The following ROCK2 variants were observed in gnomAD, a reference collection of about 807,000 sequenced individuals.
ROCK2 encodes the protein Rho associated coiled-coil containing protein kinase 2, also known as rho-associated protein kinase 2.
In ROCK2, 61 loss-of-function variants were observed where a neutral mutation model predicts 195.1. The ratio of observed to expected loss-of-function variants is 0.31; its 90% CI spans 0.25 to 0.39. The LOEUF (loss-of-function observed/expected upper bound fraction) is 0.39. ROCK2 is among the 10% of genes least tolerant of loss of function. The pLI is 1.00. For synonymous variants in ROCK2, 504 were observed against 545.5 expected (o/e 0.92, Z 1.06); for missense variants, 1,109 against 1,637.4 (o/e 0.68, Z 5.57).
chr2:11,224,507 G>A, intron 6 of ROCK2, 47 bp from the exon 7 acceptor site: 2 of 1,560,568 alleles, frequency 1.3e-6, no homozygotes, highest in East Asian at 2.3e-5. Context: ...AGAATGCAAA[G>A]GAAACACTTT....
chr2:11,198,805 A>T, intron 23 of ROCK2, 31 bp from the exon 24 acceptor site: 1 of 1,222,276 alleles, frequency 8.2e-7, no homozygotes, highest in Non-Finnish European at 1.2e-6. Context: ...AAATAATCAC[A>T]TCCCAATTTA....
rs1252846508 is a variant in ROCK2, at chr2:11,235,388, T to C, written c.723+314A>G. On this transcript the variant is annotated intron_variant, in intron 5 of 32. Transcript: ENST00000315872. The surrounding 1 kb of genome is among the most constrained non-coding windows in gnomAD (Gnocchi z 4.2). Reference sequence around the variant, plus strand: ...TATTTACCTTAATTTAGATTTTGTGTCCTTCTTCACCTAAATTATACATAT... The same window carrying C: ...TATTTACCTTAATTTAGATTTTGTGCCCTTCTTCACCTAAATTATACATAT... Among the ~76,000 whole-genome samples the C allele has an allele frequency of 1.3e-5, 2 of 152,180 alleles. No individual in the cohort carries two copies. Among genetic ancestry groups the C allele is most frequent in the Non-Finnish European group, 2.9e-5 (2 of 68,004 alleles).
intron 5 of ROCK2, among the ~76,000 whole-genome samples, chr2:11,230,762 A>G (rs1664979399): frequency 6.6e-6 from 1 of 152,208 alleles, no homozygotes; most frequent in Non-Finnish European, 1.5e-5. Flanking sequence ...AAAAAATATC[A>G]TAAATCGAGA....
chr2:11,330,264 A>G (rs1270341335), intron 1 of ROCK2, among the ~76,000 whole-genome samples: 1 of 152,214 alleles, frequency 6.6e-6, no homozygotes, highest in African/African-American at 2.4e-5. Flanking sequence ...ATAAAATGTC[A>G]TAAATCTTTA....
rs185676086 is a variant in ROCK2 at position 11,305,269 on chromosome 2, G to A, written c.142-17533C>T. Reference sequence around the variant, plus strand: ...CGCACGCCTGTAGTCCCAACTACTCGGGAGGCTGAGACAAGAGAATTGCTT... The same window carrying A: ...CGCACGCCTGTAGTCCCAACTACTCAGGAGGCTGAGACAAGAGAATTGCTT... On this transcript the variant is annotated intron_variant, in intron 1 of 32. Coordinates refer to ENST00000315872, the MANE Select transcript of ROCK2 (RefSeq NM_004850.5). Among the ~76,000 whole-genome samples the A allele has an allele frequency of 7.2e-5, 11 of 152,256 alleles. No homozygotes were observed. In the East Asian group the frequency reaches 1.7e-3, roughly 24 times the overall value.
Position 11,231,205 on chromosome 2 carries a change from A to AT in ROCK2, c.724-3808dup, listed in dbSNP as rs973440266. ...GGTAATTTTTTTTTTTCTTCAGGTA[A>AT]TTTTTTTTTTCTTTTTGAGACAGAG... On this transcript the variant is annotated intron_variant, in intron 5 of 32. Coordinates refer to ENST00000315872, the MANE Select transcript of ROCK2 (RefSeq NM_004850.5). Among the ~76,000 whole-genome samples, 22 of 149,058 alleles carry AT rather than the reference A, an allele frequency of 1.5e-4. No individual in the cohort carries two copies. In the East Asian group the frequency reaches 3.3e-3, roughly 23 times the overall value.
intron 1 of ROCK2, among the ~76,000 whole-genome samples, chr2:11,335,230 G>A (rs575249863): frequency 2.0e-4 from 30 of 151,950 alleles, no homozygotes; most frequent in Admixed American, 5.9e-4. Flanking sequence ...AAAGATATGT[G>A]AGGGTCATTT....
intron 5 of ROCK2, 137 bp from the exon 6 acceptor site, chr2:11,227,535 T>C: frequency 5.8e-6 from 4 of 688,732 alleles, no homozygotes; most frequent in Non-Finnish European, 9.3e-6. Context: ...TGACATGACT[T>C]CAGGATACAG....
chr2:11,183,292 G>C lies in ROCK2; in HGVS notation c.*145C>G. 1.8e-6 allele frequency: 1 copy of C among 558,210 alleles called. No individual in the cohort carries two copies. Among genetic ancestry groups the C allele is most frequent in the Non-Finnish European group, 3.1e-6 (1 of 319,138 alleles). 34.6% of individuals were successfully genotyped at this position (558,210 alleles called of 1,614,324 possible). The stretch of plus-strand genomic sequence containing the variant: ...TTTGTAATTTATATTACAGGGAAAA[G>C]GGGAACACATATATGTATGAGTGTA... On this transcript the variant is annotated 3_prime_UTR_variant, in exon 33 of 33. Coordinates refer to ENST00000315872, the MANE Select transcript of ROCK2 (RefSeq NM_004850.5).
At chr2:11,336,580 TA>T (rs1349166086) in intron 1 of ROCK2, among the ~76,000 whole-genome samples, 1 of 152,140 alleles carries the variant, frequency 6.6e-6, no homozygotes, top group African/African-American at 2.4e-5. Context: ...GAGCATGGGT[TA>T]AACAATAGAA....
chr2:11,235,590 A>C lies in ROCK2; in HGVS notation c.723+112T>G. 4.5e-6 allele frequency: 5 copies of C among 1,113,956 alleles called. No homozygotes were observed. Among genetic ancestry groups the C allele is most frequent in the Non-Finnish European group, 6.4e-6 (5 of 776,602 alleles). The allele number at this position is 1,113,956 out of a possible 1,614,324, so 69.0% of individuals were successfully genotyped here. A position where few individuals can be genotyped will look rare whatever the true frequency, so the allele number is the denominator to read the frequency against. ...GTTATATCTTGTTTGGGTGCTATAC[A>C]GTTATGAAAACTAAATTTACCTTTG... is the stretch of plus-strand genomic sequence containing the variant. On this transcript the variant is annotated intron_variant, in intron 5 of 32. Coordinates refer to ENST00000315872, the MANE Select transcript of ROCK2 (RefSeq NM_004850.5). This position sits in a 1 kb window ranked among gnomAD's most constrained non-coding sequence, Gnocchi z 4.2.
intron 4 of ROCK2, among the ~76,000 whole-genome samples, chr2:11,247,763 T>C (rs1240960541): frequency 6.6e-6 from 1 of 152,206 alleles, no homozygotes; most frequent in East Asian, 1.9e-4. Flanking sequence ...CTCATGCCTG[T>C]AATCCCAGCA....
chr2:11,249,603 T>A, intron 4 of ROCK2, 58 bp downstream of exon 4: 1 of 1,312,500 alleles, frequency 7.6e-7, no homozygotes, highest in Non-Finnish European at 1.0e-6. Flanking sequence ...AATCAACTCA[T>A]GAATAATAAA....
chr2:11,216,130 T>C (rs760058642), intron 13 of ROCK2, 28 bp downstream of exon 13: 5 of 1,591,522 alleles, frequency 3.1e-6, no homozygotes, highest in Non-Finnish European at 4.3e-6. Context: ...CTAACAAAAA[T>C]GTTAATAAAA....
upstream of ROCK2, among the ~76,000 whole-genome samples, chr2:11,344,961 C>T (rs1669253885): frequency 6.6e-6 from 1 of 150,952 alleles, no homozygotes; most frequent in Non-Finnish European, 1.5e-5. This position sits in a 1 kb window ranked among gnomAD's most constrained non-coding sequence, Gnocchi z 5.4. Flanking sequence ...GCGGACTACC[C>T]CGCGGCCCCG....
chr2:11,344,824 T>G (rs1235345617), upstream of ROCK2, among the ~76,000 whole-genome samples: 1 of 150,102 alleles, frequency 6.7e-6, no homozygotes, highest in Admixed American at 6.6e-5. This position sits in a 1 kb window ranked among gnomAD's most constrained non-coding sequence, Gnocchi z 5.4. Context: ...CCTCGCCTCC[T>G]CCCCCTGGCG....
chr2:11,239,602 A>G (rs1166785738), intron 4 of ROCK2, among the ~76,000 whole-genome samples: 1 of 152,230 alleles, frequency 6.6e-6, no homozygotes, highest in East Asian at 1.9e-4. Context: ...ATTATTCATA[A>G]TGGCCAAAAA....
chr2:11,294,554 A>G (rs1203508407), intron 1 of ROCK2, among the ~76,000 whole-genome samples: 2 of 152,188 alleles, frequency 1.3e-5, no homozygotes, highest in African/African-American at 4.8e-5. Flanking sequence ...ACAGCTTAGA[A>G]GCATTAAGGT....
chr2:11,296,009 A>AGGGG (rs1483694459), intron 1 of ROCK2, among the ~76,000 whole-genome samples: 49 of 101,340 alleles, frequency 4.8e-4, no homozygotes, highest in African/African-American at 1.7e-3. Context: ...GAGAGAGGAG[A>AGGGG]GAGAGAGAGA....
Sources: allele counts gnomAD v4.1 joint callset (sites outside exome capture counted in the v4.1 genomes callset), GRCh38; gene constraint gnomAD v4.1.1; non-coding constraint Gnocchi (gnomAD v3.1); transcripts MANE v1.5; gene names NCBI Gene and HGNC (gene_info 2026-07-23, HGNC 2026-07-21).